Variants in MAP2K1 observed in about 807,000 individuals in gnomAD.
MAP2K1 encodes dual specificity mitogen-activated protein kinase kinase 1.
MAP2K1 carries 16 observed loss-of-function variants against 46.3 expected under a neutral mutation model. The observed-to-expected ratio is 0.35, with a 90% CI of 0.23 to 0.52. The LOEUF is 0.52. Ranked by LOEUF, MAP2K1 falls within the 20% of genes least tolerant of loss-of-function variation. The pLI is 0.94. For synonymous variants in MAP2K1, 183 were observed against 185.6 expected (o/e 0.99, Z 0.11); for missense variants, 263 against 497.1 (o/e 0.53, Z 4.48).
At chr15:66,428,970 G>A (rs1211902245) in intron 1 of MAP2K1, among the ~76,000 whole-genome samples, 1 of 151,668 alleles carries the variant, frequency 6.6e-6, no homozygotes, top group Admixed American at 6.6e-5. Context: ...TGTAGAGATG[G>A]GGTTTCACTA....
Position 66,487,220 on chromosome 15 carries a change from A to G in MAP2K1, c.896-8A>G, listed in dbSNP as rs769662868. 1 of 1,613,416 alleles carries G rather than the reference A, an allele frequency of 6.2e-7. No individual in the cohort carries two copies. Among genetic ancestry groups the G allele is most frequent in the Non-Finnish European group, 8.5e-7 (1 of 1,179,328 alleles). ...GAGAAGTATTTTTTCTTTTTATAAA[A>G]TTTGTAGCATACGGAATGGACAGCC... On this transcript the variant is annotated splice_region_variant and splice_polypyrimidine_tract_variant and intron_variant, in intron 7 of 10. Transcript: ENST00000307102.
At chr15:66,438,868 G>T (rs2093495964) in intron 3 of MAP2K1, among the ~76,000 whole-genome samples, 1 of 152,214 alleles carries the variant, frequency 6.6e-6, no homozygotes. Context: ...ATGGGGGAGG[G>T]TTAGGCCTTG....
chr15:66,402,008 T>C, intron 1 of MAP2K1: 1 of 1,333,392 alleles, frequency 7.5e-7, no homozygotes, highest in Non-Finnish European at 9.9e-7. Flanking sequence ...ATGCAAATTT[T>C]TCTTCCTTTC....
intron 1 of MAP2K1, among the ~76,000 whole-genome samples, chr15:66,423,625 G>A (rs1284995316): frequency 1.4e-4 from 2 of 14,142 alleles, no homozygotes; most frequent in African/African-American, 3.5e-4. Flanking sequence ...TTTTTTTTTT[G>A]AGATGGAGTT....
intron 3 of MAP2K1, among the ~76,000 whole-genome samples, chr15:66,442,337 C>T (rs2093506549): frequency 6.6e-6 from 1 of 152,182 alleles, no homozygotes; most frequent in Non-Finnish European, 1.5e-5. Flanking sequence ...ATGACCACAT[C>T]ATCCCAGGAG....
intron 4 of MAP2K1, among the ~76,000 whole-genome samples, chr15:66,444,167 G>A (rs1034041192): frequency 6.6e-6 from 1 of 151,638 alleles, no homozygotes; most frequent in Non-Finnish European, 1.5e-5. Flanking sequence ...GAACCCGGGA[G>A]GGGGTGGTTG....
At chr15:66,390,789 A>C (rs1052052689) in intron 1 of MAP2K1, among the ~76,000 whole-genome samples, 1 of 150,782 alleles carries the variant, frequency 6.6e-6, no homozygotes, top group Non-Finnish European at 1.5e-5. Flanking sequence ...TGTCCCCACC[A>C]CCCCCTCCCA....
At chr15:66,487,078 C>T in intron 7 of MAP2K1, 150 bp from the exon 8 acceptor site, 1 of 679,444 alleles carries the variant, frequency 1.5e-6, no homozygotes, top group South Asian at 1.6e-5. Flanking sequence ...CTTTGCTGGT[C>T]CCCTCTGTGT....
At chr15:66,414,188 T>G (rs974909539) in intron 1 of MAP2K1, among the ~76,000 whole-genome samples, 1 of 152,084 alleles carries the variant, frequency 6.6e-6, no homozygotes, top group African/African-American at 2.4e-5. Flanking sequence ...CCTCTCATGC[T>G]AACTACCCAG....
intron 1 of MAP2K1, among the ~76,000 whole-genome samples, chr15:66,419,899 C>A (rs1247447274): frequency 8.0e-5 from 12 of 150,378 alleles, no homozygotes; most frequent in Non-Finnish European, 4.4e-5. Flanking sequence ...ATGACATAAA[C>A]AAAAAAAAAG....
At chr15:66,397,633 A>T (rs754983024) in intron 1 of MAP2K1, among the ~76,000 whole-genome samples, 3 of 152,214 alleles carry the variant, frequency 2.0e-5, no homozygotes, top group Non-Finnish European at 4.4e-5. Flanking sequence ...TAGATATTTC[A>T]TACGCTGCTT....
intron 1 of MAP2K1, among the ~76,000 whole-genome samples, chr15:66,412,733 G>A (rs1164567321): frequency 6.6e-6 from 1 of 152,044 alleles, no homozygotes; most frequent in Non-Finnish European, 1.5e-5. Context: ...CCAGGCTGGA[G>A]GGCAGTGGCT....
intron 2 of MAP2K1, 129 bp downstream of exon 2, chr15:66,435,366 T>TA: frequency 1.3e-6 from 1 of 779,226 alleles, no homozygotes; most frequent in Non-Finnish European, 2.1e-6. Context: ...TTTTTTTTTT[T>TA]AAGACGGAGT....
At chr15:66,392,508 C>T (rs1235266967) in intron 1 of MAP2K1, among the ~76,000 whole-genome samples, 3 of 150,546 alleles carry the variant, frequency 2.0e-5, no homozygotes, top group Middle Eastern at 6.8e-3. Context: ...AAGCAATGAC[C>T]ATCCCTAAAT....
chr15:66,446,143 C>A (rs1891861132), intron 5 of MAP2K1, among the ~76,000 whole-genome samples: 1 of 152,010 alleles, frequency 6.6e-6, no homozygotes, highest in Non-Finnish European at 1.5e-5. Flanking sequence ...AAGCTTGAAC[C>A]CGGGAGGCAG....
chr15:66,400,787 TG>T (rs1299523450), intron 1 of MAP2K1, among the ~76,000 whole-genome samples: 1 of 152,152 alleles, frequency 6.6e-6, no homozygotes, highest in African/African-American at 2.4e-5. Flanking sequence ...CTGATTTCGC[TG>T]CATAACTCCC....
chr15:66,397,829 T>C (rs992967483), intron 1 of MAP2K1, among the ~76,000 whole-genome samples: 1 of 152,102 alleles, frequency 6.6e-6, no homozygotes, highest in African/African-American at 2.4e-5. Context: ...ATAGGCCATT[T>C]GCGGTGGCTC....
At chr15:66,419,191 T>G (rs2093431707) in intron 1 of MAP2K1, among the ~76,000 whole-genome samples, 1 of 151,576 alleles carries the variant, frequency 6.6e-6, no homozygotes, top group African/African-American at 2.4e-5. Flanking sequence ...ACTCCATCAC[T>G]TTTCCTTTTG....
chr15:66,417,551 C>T lies in MAP2K1; in HGVS notation c.81-17476C>T, dbSNP rs537292264. Among the ~76,000 whole-genome samples the T allele has an allele frequency of 5.9e-5, 9 of 152,128 alleles. No individual in the cohort carries two copies. In the South Asian group the frequency reaches 6.2e-4, roughly 11 times the overall value. On this transcript the variant is annotated intron_variant, in intron 1 of 10. Coordinates refer to ENST00000307102, the MANE Select transcript of MAP2K1 (RefSeq NM_002755.4). ...GATTGCACCACTACACCCCAGTCTGCGCAACAAAATGAGACCCTGTCTCAA... is the reference window on the plus strand; with the variant it reads ...GATTGCACCACTACACCCCAGTCTGTGCAACAAAATGAGACCCTGTCTCAA...
Sources: allele counts gnomAD v4.1 joint callset (sites outside exome capture counted in the v4.1 genomes callset), GRCh38; gene constraint gnomAD v4.1.1; transcripts MANE v1.5; gene names NCBI Gene and HGNC (gene_info 2026-07-23, HGNC 2026-07-21).